CAPN3: variants seen among roughly 807,000 people sequenced by gnomAD.
The protein encoded by CAPN3 is calpain 3, also known as calpain-3.
CAPN3 carries 88 observed loss-of-function variants against 114.0 expected under a neutral mutation model. That is an observed-to-expected ratio of 0.77 (90% CI 0.65 to 0.92). CAPN3 has a LOEUF of 0.92. Ranked by LOEUF, CAPN3 falls within the 40% of genes least tolerant of loss-of-function variation. The probability of loss-of-function intolerance (pLI) is 0.00; values close to 1 mark genes in which losing one functional copy is unlikely to be tolerated. For missense variants in CAPN3, 1,028 were observed against 1,069.0 expected (o/e 0.96, Z 0.53); for synonymous variants, 386 against 382.9 (o/e 1.01, Z -0.09).
chr15:42,374,961 C>T (rs1286606425), intron 1 of CAPN3, among the ~76,000 whole-genome samples: 1 of 149,296 alleles, frequency 6.7e-6, no homozygotes, highest in African/African-American at 2.4e-5. Flanking sequence ...GCATGTGCCA[C>T]CACATTTTTA....
chr15:42,402,197 C>A, intron 12 of CAPN3, 62 bp downstream of exon 12: 1 of 1,611,958 alleles, frequency 6.2e-7, no homozygotes, highest in South Asian at 1.1e-5. Context: ...CCGAGTCTGT[C>A]TGTGGCTCGT....
intron 1 of CAPN3, among the ~76,000 whole-genome samples, chr15:42,371,266 A>C (rs8033108): frequency 6.6e-6 from 1 of 152,062 alleles, no homozygotes; most frequent in African/African-American, 2.4e-5. Flanking sequence ...AACTTTTAGG[A>C]GCAACTTCTA....
intron 15 of CAPN3, among the ~76,000 whole-genome samples, chr15:42,406,903 C>A (rs942778873): frequency 1.3e-5 from 2 of 152,144 alleles, no homozygotes; most frequent in African/African-American, 4.8e-5. Flanking sequence ...GCCTCTGGGG[C>A]CTGCTGGGAG....
At chr15:42,364,432 C>T (rs1456676428) in intron 1 of CAPN3, among the ~76,000 whole-genome samples, 1 of 152,230 alleles carries the variant, frequency 6.6e-6, no homozygotes, top group African/African-American at 2.4e-5. Context: ...TATGCAGTCT[C>T]TTAAAAGTGG....
chr15:42,389,874 C>A, intron 5 of CAPN3, 79 bp from the exon 6 acceptor site: 1 of 1,463,014 alleles, frequency 6.8e-7, no homozygotes, highest in Non-Finnish European at 9.6e-7. Context: ...TCTTTCTCCT[C>A]TCTCCTTCCC....
chr15:42,368,415 G>A (rs1178994641), intron 1 of CAPN3, among the ~76,000 whole-genome samples: 3 of 152,200 alleles, frequency 2.0e-5, no homozygotes, highest in African/African-American at 4.8e-5. Context: ...GGAAATACGT[G>A]TGTCAGATAA....
intron 6 of CAPN3, among the ~76,000 whole-genome samples, chr15:42,391,437 C>A (rs1240266149): frequency 6.6e-6 from 1 of 152,136 alleles, no homozygotes; most frequent in East Asian, 1.9e-4. Context: ...CTCCCGCCCC[C>A]TCCCAGTCTA....
Position 42,398,781 on chromosome 15 carries a change from T to C in CAPN3, c.1194-711T>C, listed in dbSNP as rs2053780854. On this transcript the variant is annotated intron_variant, in intron 9 of 23. Coordinates refer to ENST00000397163, the MANE Select transcript of CAPN3 (RefSeq NM_000070.3). ...TTACTGTGCTATTGAGCATTAGAGCTTTTTTTTTTTTTTTTTTTTTTGAGA... is the reference window on the plus strand; with the variant it reads ...TTACTGTGCTATTGAGCATTAGAGCCTTTTTTTTTTTTTTTTTTTTTGAGA... Among the ~76,000 whole-genome samples, 3 of 102,144 alleles carry C rather than the reference T, an allele frequency of 2.9e-5. No individual in the cohort carries two copies. In the South Asian group the frequency reaches 9.4e-4, roughly 32 times the overall value. 67.0% of individuals were successfully genotyped at this position (102,144 alleles called of 152,430 possible). A position where few individuals can be genotyped will look rare whatever the true frequency, so the allele number is the denominator to read the frequency against.
intron 1 of CAPN3, among the ~76,000 whole-genome samples, chr15:42,363,749 G>T (rs2052709065): frequency 6.6e-6 from 1 of 152,226 alleles, no homozygotes; most frequent in Admixed American, 6.5e-5. Context: ...CTTTCCATAT[G>T]TTAATTCATT....
intron 17 of CAPN3, 27 bp from the exon 18 acceptor site, chr15:42,409,760 A>G (rs1335998090): frequency 6.2e-7 from 1 of 1,610,082 alleles, no homozygotes; most frequent in East Asian, 2.2e-5. Flanking sequence ...CTCCTGAACC[A>G]TGACCCTCCT....
In CAPN3 at chr15:42,380,128, C is replaced by T. The variant is rs143617676; in HGVS notation, c.310-4355C>T. ...AAAAATAAATAAAGTGGGTTTCTTG[C>T]AGACAACATATAGTCGAGTCTTGTT... On this transcript the variant is annotated intron_variant, in intron 1 of 23. Coordinates refer to ENST00000397163, the MANE Select transcript of CAPN3 (RefSeq NM_000070.3). 2.2e-3 allele frequency among the ~76,000 whole-genome samples: 330 copies of T among 152,214 alleles called. 1 individual carries two copies. Among genetic ancestry groups the T allele is most frequent in the Admixed American group, 4.3e-3 (66 of 15,284 alleles).
chr15:42,384,054 T>C (rs2053317425), intron 1 of CAPN3, among the ~76,000 whole-genome samples: 1 of 152,152 alleles, frequency 6.6e-6, no homozygotes, highest in African/African-American at 2.4e-5. Flanking sequence ...ATAACAATGA[T>C]AGTATTCCCT....
In CAPN3 at chr15:42,409,351, C is replaced by G; in HGVS notation, c.1963C>G (p.Arg655Gly). The G allele has an allele frequency of 6.2e-7, 1 of 1,614,192 alleles. No individual in the cohort carries two copies. Among genetic ancestry groups the G allele is most frequent in the Non-Finnish European group, 8.5e-7 (1 of 1,180,034 alleles). The change falls in exon 17 of 24, where the codon CGG becomes GGG. Residue 655 changes from arginine to glycine, a missense_variant. Transcript: ENST00000397163. ...GGAAAGTGAGGAACAGCAACAATTC[C>G]GGAACATTTTCAAGCAGATAGCAGG... Reference protein sequence around the residue: ...DQESEEQQQFRNIFKQIAGDD... With the variant: ...DQESEEQQQFGNIFKQIAGDD...
At chr15:42,390,983 G>T (rs2053541378) in intron 6 of CAPN3, among the ~76,000 whole-genome samples, 1 of 151,696 alleles carries the variant, frequency 6.6e-6, no homozygotes, top group South Asian at 2.1e-4. Flanking sequence ...AGTAGAGACG[G>T]GGTTTCACCA....
chr15:42,399,577 C>A lies in CAPN3; in HGVS notation c.1279C>A (p.Gln427Lys). 1 of 1,614,094 alleles carries A rather than the reference C, an allele frequency of 6.2e-7. No homozygotes were observed. The highest frequency in any genetic ancestry group is 8.5e-7 in the Non-Finnish European group (1 of 1,179,986). Reference sequence around the variant, plus strand: ...CGATGCTCTGCAGTCTGACAAGCTTCAGACCTGGACAGTGTCTGTGAACGA... The same window carrying A: ...CGATGCTCTGCAGTCTGACAAGCTTAAGACCTGGACAGTGTCTGTGAACGA... Reference protein sequence around the residue: ...TADALQSDKLQTWTVSVNEGR... With the variant: ...TADALQSDKLKTWTVSVNEGR... The change falls in exon 10 of 24, where the codon CAG becomes AAG. Residue 427 changes from glutamine (Q) to lysine (K), a missense_variant. Coordinates refer to ENST00000397163, the MANE Select transcript of CAPN3 (RefSeq NM_000070.3).
At chr15:42,372,069 T>C (rs1210128114) in intron 1 of CAPN3, among the ~76,000 whole-genome samples, 2 of 152,326 alleles carry the variant, frequency 1.3e-5, no homozygotes, top group Non-Finnish European at 2.9e-5. Context: ...CTTGACAATA[T>C]TGAGTCTTCC....
At chr15:42,380,352 ACCT>A (rs1204508313) in intron 1 of CAPN3, among the ~76,000 whole-genome samples, 1 of 58,852 alleles carries the variant, frequency 1.7e-5, no homozygotes, top group Non-Finnish European at 3.7e-5. Context: ...TTATCCTTTT[ACCT>A]CTTCTTTTTT....
chr15:42,407,919 A>G (rs545027295), intron 15 of CAPN3, among the ~76,000 whole-genome samples: 4 of 152,274 alleles, frequency 2.6e-5, no homozygotes, highest in African/African-American at 7.2e-5. Context: ...TCTACAAAAT[A>G]CTTGACAATC....
chr15:42,387,872 G>C lies in CAPN3; in HGVS notation c.618G>C (p.Glu206Asp). 6.2e-7 allele frequency: 1 copy of C among 1,614,202 alleles called. No individual in the cohort carries two copies. The highest frequency in any genetic ancestry group is 8.5e-7 in the Non-Finnish European group (1 of 1,180,038). The change falls in exon 4 of 24, where the codon GAG (glutamate) becomes GAC (aspartate). Residue 206 changes from glutamate to aspartate, a missense_variant. By Grantham distance (45) the Glu-to-Asp change is conservative (BLOSUM62 2). Coordinates refer to ENST00000397163, the MANE Select transcript of CAPN3 (RefSeq NM_000070.3). The stretch of plus-strand genomic sequence containing the variant: ...ATGAGTTCTGGAGTGCTCTGCTGGA[G>C]AAGGCTTATGCTAAGTAAGCAACAC... The part of the protein sequence containing the change: ...HRNEFWSALL[E>D]KAYAKLHGSY...
Sources: allele counts gnomAD v4.1 joint callset (sites outside exome capture counted in the v4.1 genomes callset), GRCh38; gene constraint gnomAD v4.1.1; transcripts MANE v1.5; gene names NCBI Gene and HGNC (gene_info 2026-07-23, HGNC 2026-07-21).